The following C14orf39 variants were observed in gnomAD, a reference collection of about 807,000 sequenced individuals.
The protein encoded by C14orf39 is protein SIX6OS1.
C14orf39 carries 66 observed loss-of-function variants against 85.6 expected under a neutral mutation model. That is an observed-to-expected ratio of 0.77 (90% CI 0.63 to 0.95). The LOEUF is 0.95. C14orf39 is among the 40% of genes least tolerant of loss of function. The pLI, the probability that C14orf39 is intolerant of heterozygous loss-of-function variation, is 0.00. For synonymous variants in C14orf39, 242 were observed against 214.0 expected (o/e 1.13, Z -1.14); for missense variants, 735 against 663.9 (o/e 1.11, Z -1.18).
intron 16 of C14orf39, among the ~76,000 whole-genome samples, chr14:60,451,983 C>T (rs551242931): frequency 2.6e-5 from 4 of 151,054 alleles, no homozygotes; most frequent in South Asian, 4.2e-4. Context: ...GAGATCGAGA[C>T]CATCCTGGCC....
intron 17 of C14orf39, among the ~76,000 whole-genome samples, chr14:60,438,806 A>C (rs1890376971): frequency 6.6e-6 from 1 of 152,174 alleles, no homozygotes; most frequent in Non-Finnish European, 1.5e-5. Flanking sequence ...AGAAGTAAAA[A>C]GCAGGTAAGA....
chr14:60,455,060 A>G lies in C14orf39; in HGVS notation c.1444T>C (p.Ser482Pro), dbSNP rs1891204494. Reference sequence around the variant, plus strand: ...GAATCAAATAAATTCAATCCAGGTGATCTAGAAGTATAACTCATAAGAAAA... The same window carrying G: ...GAATCAAATAAATTCAATCCAGGTGGTCTAGAAGTATAACTCATAAGAAAA... Reference protein sequence around the residue: ...LSFLMSYTSRSPGLNLFDSSV... With the variant: ...LSFLMSYTSRPPGLNLFDSSV... Residue 482 changes from serine to proline, a missense_variant, in exon 16 of 18, where the codon TCA becomes CCA. Coordinates refer to ENST00000321731, the MANE Select transcript of C14orf39 (RefSeq NM_174978.3). The G allele has an allele frequency of 6.3e-7, 1 of 1,581,864 alleles. No individual in the cohort carries two copies. The highest frequency in any genetic ancestry group is 8.6e-7 in the Non-Finnish European group (1 of 1,167,460).
At chr14:60,442,205 T>A in intron 16 of C14orf39, 74 bp from the exon 17 acceptor site, 1 of 918,754 alleles carries the variant, frequency 1.1e-6, no homozygotes, top group Non-Finnish European at 1.7e-6. Flanking sequence ...TATTTGAATC[T>A]AAAGCTTAGT....
intron 4 of C14orf39, among the ~76,000 whole-genome samples, chr14:60,482,674 T>C (rs1595486086): frequency 6.6e-6 from 1 of 152,142 alleles, no homozygotes. Context: ...TGACTGGAAA[T>C]AACCTAAATT....
intron 1 of C14orf39, among the ~76,000 whole-genome samples, chr14:60,506,963 A>C (rs1952155145): frequency 1.3e-5 from 2 of 152,168 alleles, no homozygotes; most frequent in Admixed American, 1.3e-4. Flanking sequence ...CTCTCCCCGA[A>C]TGTGCCGCTT....
chr14:60,492,326 T>C (rs76582373), intron 2 of C14orf39, among the ~76,000 whole-genome samples: 1,943 of 152,288 alleles, frequency 0.013, 18 homozygotes, highest in South Asian at 0.027. Flanking sequence ...TTAACACATG[T>C]ACAAAAGTGA....
At chr14:60,513,297 G>A (rs1176914770) in intron 1 of C14orf39, among the ~76,000 whole-genome samples, 1 of 152,216 alleles carries the variant, frequency 6.6e-6, no homozygotes, top group Non-Finnish European at 1.5e-5. Flanking sequence ...CCATTGTAGA[G>A]CTTCCTCAGT....
At chr14:60,511,055 G>A (rs558333993) in intron 1 of C14orf39, 1 of 1,609,052 alleles carries the variant, frequency 6.2e-7, no homozygotes, top group East Asian at 2.2e-5. Flanking sequence ...GTTACGAGCT[G>A]TGACCCGTGT....
intron 13 of C14orf39, among the ~76,000 whole-genome samples, chr14:60,460,168 C>T (rs1488877295): frequency 1.3e-5 from 2 of 151,060 alleles, no homozygotes. Flanking sequence ...TTTTAAGTTC[C>T]AAAATAATTG....
At chr14:60,481,737 T>G (rs1435566813) in intron 4 of C14orf39, among the ~76,000 whole-genome samples, 1 of 152,190 alleles carries the variant, frequency 6.6e-6, no homozygotes, top group Non-Finnish European at 1.5e-5. Flanking sequence ...GCACATGTAT[T>G]AGACTTGTGT....
At chr14:60,487,679 A>G (rs1892922002), upstream of C14orf39, among the ~76,000 whole-genome samples, 1 of 152,148 alleles carries the variant, frequency 6.6e-6, no homozygotes, top group Admixed American at 6.5e-5. Flanking sequence ...TGATAGTTCT[A>G]TTTTTAAATT....
chr14:60,438,475 C>A (rs1408498597), intron 17 of C14orf39, among the ~76,000 whole-genome samples: 1 of 152,120 alleles, frequency 6.6e-6, no homozygotes, highest in African/African-American at 2.4e-5. Context: ...ACAAGAAGTT[C>A]ATATGAAGTC....
At chr14:60,509,851 A>G (rs1464815774) in intron 1 of C14orf39, 4 of 1,613,838 alleles carry the variant, frequency 2.5e-6, no homozygotes, top group African/African-American at 1.3e-5. Flanking sequence ...TGCAGGATCC[A>G]TACCCTAACC....
intron 16 of C14orf39, among the ~76,000 whole-genome samples, chr14:60,447,264 CTGTT>C (rs1423163873): frequency 2.6e-5 from 4 of 152,280 alleles, no homozygotes; most frequent in African/African-American, 9.6e-5. Flanking sequence ...CAAATTATCT[CTGTT>C]TGCAGATGAC....
intron 1 of C14orf39, among the ~76,000 whole-genome samples, chr14:60,500,384 G>A (rs1893125284): frequency 6.6e-6 from 1 of 152,148 alleles, no homozygotes; most frequent in South Asian, 2.1e-4. Flanking sequence ...AGTCTTTTTG[G>A]ATGGAAATTT....
intron 10 of C14orf39, among the ~76,000 whole-genome samples, chr14:60,466,433 G>A (rs973014243): frequency 6.8e-6 from 1 of 147,402 alleles, no homozygotes; most frequent in African/African-American, 2.5e-5. Flanking sequence ...ATTATGTAAT[G>A]GTAAATGCCA....
At chr14:60,471,760 G>T in intron 5 of C14orf39, 21 bp from the exon 6 acceptor site, 1 of 1,385,644 alleles carries the variant, frequency 7.2e-7, no homozygotes, top group South Asian at 1.4e-5. Context: ...TAAAAGAAAT[G>T]ATGTTTATAT....
chr14:60,478,320 T>C lies in C14orf39; in HGVS notation c.303A>G (p.Gln101=). Residue 101 remains glutamine, a synonymous_variant, in exon 5 of 18, where the codon CAA becomes CAG. Transcript: ENST00000321731. ...DYMQDQFTVY[Q]GTVEKDKEMY... The stretch of plus-strand genomic sequence containing the variant: ...TATACTTGTCTTTTTCAACAGTTCC[T>C]TGATAAACAGTAAATTGGTCCTGCA... The C allele has an allele frequency of 6.4e-7, 1 of 1,570,210 alleles. No individual in the cohort carries two copies. Among genetic ancestry groups the C allele is most frequent in the South Asian group, 1.2e-5 (1 of 82,564 alleles).
At chr14:60,445,102 C>T (rs1427529713) in intron 16 of C14orf39, among the ~76,000 whole-genome samples, 1 of 151,896 alleles carries the variant, frequency 6.6e-6, no homozygotes, top group Non-Finnish European at 1.5e-5. Flanking sequence ...CAGTACCAGC[C>T]ACTGCAAAAA....
Sources: allele counts gnomAD v4.1 joint callset (sites outside exome capture counted in the v4.1 genomes callset), GRCh38; gene constraint gnomAD v4.1.1; transcripts MANE v1.5; gene names NCBI Gene and HGNC (gene_info 2026-07-23, HGNC 2026-07-21).